GRID2: variants seen among roughly 807,000 people sequenced by gnomAD.
GRID2 encodes glutamate ionotropic receptor delta type subunit 2.
In GRID2, 33 loss-of-function variants were observed where a neutral mutation model predicts 114.8. That is an observed-to-expected ratio of 0.29 (90% CI 0.22 to 0.38). The LOEUF is 0.38. GRID2 is among the 10% of genes least tolerant of loss of function. GRID2 has a pLI of 1.00. For missense variants in GRID2, 1,184 were observed against 1,257.7 expected (o/e 0.94, Z 0.89); for synonymous variants, 505 against 449.9 (o/e 1.12, Z -1.55).
intron 2 of GRID2, among the ~76,000 whole-genome samples, chr4:92,915,706 C>T (rs1748733232): frequency 1.3e-5 from 2 of 152,136 alleles, no homozygotes; most frequent in South Asian, 4.1e-4. Context: ...TGTTCCTTTA[C>T]TGCATAGCGT....
intron 9 of GRID2, among the ~76,000 whole-genome samples, chr4:93,402,403 T>C (rs1360254981): frequency 2.6e-5 from 4 of 152,126 alleles, no homozygotes; most frequent in Non-Finnish European, 5.9e-5. Context: ...TGAAAGCAGG[T>C]AGCAAAATGA....
chr4:93,711,362 A>C (rs1728464272), intron 14 of GRID2, among the ~76,000 whole-genome samples: 1 of 152,004 alleles, frequency 6.6e-6, no homozygotes. Flanking sequence ...TATGTCTAGA[A>C]ATGTTGTCTG....
chr4:93,793,997 A>G (rs2110360932), intron 1 of GRID2, among the ~76,000 whole-genome samples: 1 of 152,162 alleles, frequency 6.6e-6, no homozygotes, highest in South Asian at 2.1e-4. Flanking sequence ...TTAAAAAGAT[A>G]AAGCCTTTCT....
At chr4:92,977,410 C>G (rs1217248942) in intron 2 of GRID2, among the ~76,000 whole-genome samples, 1 of 152,062 alleles carries the variant, frequency 6.6e-6, no homozygotes, top group Non-Finnish European at 1.5e-5. Flanking sequence ...CTTCAAGAAA[C>G]AGAAGAGAAA....
At chr4:93,755,234 A>G (rs1214135487) in intron 14 of GRID2, among the ~76,000 whole-genome samples, 23 of 152,178 alleles carry the variant, frequency 1.5e-4, no homozygotes, top group Admixed American at 1.5e-3. Context: ...CACTCCTATA[A>G]GCAGTTGGTG....
intron 2 of GRID2, among the ~76,000 whole-genome samples, chr4:93,069,511 C>A (rs1728623537): frequency 6.6e-6 from 1 of 151,898 alleles, no homozygotes; most frequent in Admixed American, 6.6e-5. Flanking sequence ...ACCCAACCCC[C>A]AACATAGAAA....
At chr4:93,630,854 A>T (rs1743178247) in intron 14 of GRID2, among the ~76,000 whole-genome samples, 1 of 152,210 alleles carries the variant, frequency 6.6e-6, no homozygotes, top group African/African-American at 2.4e-5. Flanking sequence ...CTGATTTCAT[A>T]TCCAGTTTTC....
chr4:92,609,513 C>A (rs1031757253), intron 2 of GRID2, among the ~76,000 whole-genome samples: 2 of 151,220 alleles, frequency 1.3e-5, no homozygotes, highest in African/African-American at 4.8e-5. Context: ...TCAGGAAAAT[C>A]GCTTTTTGAG....
intron 2 of GRID2, among the ~76,000 whole-genome samples, chr4:92,965,102 A>T (rs1204445833): frequency 5.3e-5 from 8 of 151,826 alleles, no homozygotes; most frequent in African/African-American, 1.9e-4. Flanking sequence ...GCATGTAGAG[A>T]CCATTTGCAG....
Position 93,696,732 on chromosome 4 carries a change from C to A in GRID2, c.2360+70297C>A, listed in dbSNP as rs538818238. On this transcript the variant is annotated intron_variant, in intron 14 of 15. Transcript: ENST00000282020. ...CAATACTCTGCCATAACCACTGTCA[C>A]AATTCTCAATAACTTCCAACATCCT... Among the ~76,000 whole-genome samples the A allele has an allele frequency of 2.0e-5, 3 of 152,284 alleles. No individual in the cohort carries two copies. In the East Asian group the frequency reaches 5.8e-4, roughly 29 times the overall value.
intron 7 of GRID2, among the ~76,000 whole-genome samples, chr4:93,237,573 A>T (rs1746943499): frequency 6.6e-6 from 1 of 151,940 alleles, no homozygotes; most frequent in Non-Finnish European, 1.5e-5. Context: ...CCAAAATTTT[A>T]AGTTAGACAT....
intron 1 of GRID2, among the ~76,000 whole-genome samples, chr4:92,416,259 T>G (rs2110313741): frequency 6.6e-6 from 1 of 152,296 alleles, no homozygotes; most frequent in South Asian, 2.1e-4. Context: ...ATTATTTAGT[T>G]TTTCTTGCTG....
At chr4:93,168,498 AT>A (rs1339098107) in intron 4 of GRID2, among the ~76,000 whole-genome samples, 1 of 152,144 alleles carries the variant, frequency 6.6e-6, no homozygotes, top group Non-Finnish European at 1.5e-5. Flanking sequence ...TAGATAAAAA[AT>A]ATATCACTAC....
At chr4:93,681,532 C>T (rs969397101) in intron 14 of GRID2, among the ~76,000 whole-genome samples, 5 of 152,076 alleles carry the variant, frequency 3.3e-5, no homozygotes, top group Admixed American at 2.6e-4. Flanking sequence ...TCAAACTATA[C>T]TACAAGGCTA....
chr4:92,669,334 A>G (rs1013317447), intron 2 of GRID2, among the ~76,000 whole-genome samples: 16 of 151,942 alleles, frequency 1.1e-4, no homozygotes, highest in African/African-American at 3.9e-4. Flanking sequence ...CAACCCTAAA[A>G]TATAACAAAT....
intron 13 of GRID2, among the ~76,000 whole-genome samples, chr4:93,517,767 C>G (rs1247610840): frequency 1.3e-5 from 2 of 151,570 alleles, no homozygotes; most frequent in African/African-American, 4.8e-5. Flanking sequence ...TTTCACACAG[C>G]AGCTTTTTAT....
intron 1 of GRID2, among the ~76,000 whole-genome samples, chr4:92,445,303 A>G (rs1424430149): frequency 1.3e-5 from 2 of 152,182 alleles, no homozygotes; most frequent in African/African-American, 4.8e-5. Context: ...CTGCTAAACA[A>G]TTGAGATGCA....
chr4:93,729,233 A>G (rs944446849), intron 14 of GRID2, among the ~76,000 whole-genome samples: 2 of 151,780 alleles, frequency 1.3e-5, no homozygotes, highest in Admixed American at 1.3e-4. Flanking sequence ...TGGGAGCTAA[A>G]GAAGAGTGCA....
intron 1 of GRID2, among the ~76,000 whole-genome samples, chr4:92,444,685 G>A (rs1269471661): frequency 6.6e-6 from 1 of 152,110 alleles, no homozygotes; most frequent in Admixed American, 6.5e-5. Context: ...GTAAAAAGGG[G>A]GCGTTTGTCT....
Sources: gnomAD v4.1 joint callset for allele counts (sites outside exome capture counted in the v4.1 genomes callset) on GRCh38, gnomAD v4.1.1 for gene constraint, MANE v1.5 for transcripts, NCBI Gene and HGNC (gene_info 2026-07-23, HGNC 2026-07-21) for gene names.